The following TMEM120B variants were observed in gnomAD, a reference collection of about 807,000 sequenced individuals.
TMEM120B encodes transmembrane protein 120B.
In TMEM120B, 31 loss-of-function variants were observed where a neutral mutation model predicts 55.5. That is an observed-to-expected ratio of 0.56 (90% CI 0.42 to 0.75). The LOEUF is 0.75. Ranked by LOEUF, TMEM120B falls within the 30% of genes least tolerant of loss-of-function variation. The pLI, the probability that TMEM120B is intolerant of heterozygous loss-of-function variation, is 0.00. For synonymous variants in TMEM120B, 203 were observed against 176.3 expected, an observed-to-expected ratio of 1.15 and a Z score of -1.20; for missense variants, 399 against 425.5, an observed-to-expected ratio of 0.94 and a Z score of 0.55.
Position 121,779,736 on chromosome 12 carries a change from A to C in TMEM120B, c.*4014A>C, listed in dbSNP as rs1299057485. On this transcript the variant is annotated 3_prime_UTR_variant, in exon 12 of 12. Coordinates refer to ENST00000449592, the MANE Select transcript of TMEM120B (RefSeq NM_001080825.2). ...CCTAGCACCACCTGGTGGGTTTGGG[A>C]CTGGCTCTGAGGACTCTGCAGGGAT... 12 of 1,534,272 alleles carry C rather than the reference A, an allele frequency of 7.8e-6. No individual in the cohort carries two copies. Among genetic ancestry groups the C allele is most frequent in the Non-Finnish European group, 1.1e-5 (12 of 1,120,572 alleles).
At chr12:121,721,292 C>T (rs190079386) in intron 1 of TMEM120B, among the ~76,000 whole-genome samples, 1 of 152,176 alleles carries the variant, frequency 6.6e-6, no homozygotes, top group East Asian at 1.9e-4. Flanking sequence ...GATTCTCCCT[C>T]TTCAGCCTCC....
intron 6 of TMEM120B, among the ~76,000 whole-genome samples, chr12:121,767,575 C>T (rs1873890660): frequency 1.3e-5 from 2 of 152,220 alleles, no homozygotes; most frequent in South Asian, 4.1e-4. Flanking sequence ...GTGACAGTTG[C>T]ACAACTCTGT....
At chr12:121,726,514 G>A (rs1363132470) in intron 1 of TMEM120B, among the ~76,000 whole-genome samples, 1 of 150,986 alleles carries the variant, frequency 6.6e-6, no homozygotes, top group East Asian at 1.9e-4. Context: ...GGGAGGCGGA[G>A]CTTGCAGTGA....
intron 1 of TMEM120B, among the ~76,000 whole-genome samples, chr12:121,721,089 G>T (rs1424939658): frequency 2.0e-5 from 3 of 152,210 alleles, no homozygotes; most frequent in Admixed American, 6.6e-5. Flanking sequence ...TTGCTTGTTT[G>T]TGTCTTCTAC....
chr12:121,752,245 G>A, intron 5 of TMEM120B, 22 bp downstream of exon 5: 6 of 1,602,678 alleles, frequency 3.7e-6, no homozygotes, highest in Non-Finnish European at 5.1e-6. Context: ...GGCCGTGTGT[G>A]CCTGGGCCTG....
intron 5 of TMEM120B, among the ~76,000 whole-genome samples, chr12:121,761,017 C>T (rs964104902): frequency 9.9e-5 from 15 of 152,096 alleles, no homozygotes; most frequent in African/African-American, 1.4e-4. Context: ...CTCGCTCTGT[C>T]GCTCAGGCTG....
intron 3 of TMEM120B, 84 bp downstream of exon 3, chr12:121,748,526 G>C (rs1170022685): frequency 4.5e-6 from 4 of 889,920 alleles, no homozygotes; most frequent in African/African-American, 1.7e-5. Flanking sequence ...TCGCCTTCCT[G>C]CTGGTGCTCA....
Position 121,769,077 on chromosome 12 carries a change from C to T in TMEM120B, c.552-1830C>T, listed in dbSNP as rs537673521. On this transcript the variant is annotated intron_variant, in intron 6 of 11. Coordinates refer to ENST00000449592, the MANE Select transcript of TMEM120B (RefSeq NM_001080825.2). ...AGGAGAATTGCCTGAACCCAGGAGG[C>T]GGAGGTTGTAGTGAGCCAAGAATGT... 2.1e-4 allele frequency among the ~76,000 whole-genome samples: 31 copies of T among 144,372 alleles called. No homozygotes were observed. In the South Asian group the frequency reaches 2.7e-3, roughly 12 times the overall value. The allele number at this position is 144,372 out of a possible 152,430, so 94.7% of individuals were successfully genotyped here. A position where few individuals can be genotyped will look rare whatever the true frequency, so the allele number is the denominator to read the frequency against.
At chr12:121,773,951 C>CTTT (rs560321014) in intron 9 of TMEM120B, among the ~76,000 whole-genome samples, 145 of 96,588 alleles carry the variant, frequency 1.5e-3, no homozygotes, top group Non-Finnish European at 2.0e-3. Flanking sequence ...ACTCTGCTAT[C>CTTT]TTTTTTTTTT....
Position 121,761,649 on chromosome 12 carries a change from G to T in TMEM120B, c.462G>T (p.Arg154Ser). 1 of 1,613,562 alleles carries T rather than the reference G, an allele frequency of 6.2e-7. No individual in the cohort carries two copies. Among genetic ancestry groups the T allele is most frequent in the East Asian group, 2.2e-5 (1 of 44,860 alleles). ...AVACRFVLHYRVTDEVFNFLL... is the reference protein window; with the variant it reads ...AVACRFVLHYSVTDEVFNFLL... ...TCCCGGGGGCTGTTTCCTTGCACAG[G>T]GTGACTGACGAAGTCTTCAACTTCC... The change falls in exon 6 of 12, where the codon AGG becomes AGT. Residue 154 changes from arginine to serine, a missense_variant and splice_region_variant. Arg to Ser is a moderately radical substitution (Grantham distance 110). Transcript: ENST00000449592.
chr12:121,750,294 G>A lies in TMEM120B; in HGVS notation c.306-86G>A, dbSNP rs1016285461. 98 of 1,262,814 alleles carry A rather than the reference G, an allele frequency of 7.8e-5. No individual in the cohort carries two copies. In the African/African-American group the frequency reaches 1.1e-3, roughly 14 times the overall value. 78.2% of individuals were successfully genotyped at this position (1,262,814 alleles called of 1,614,324 possible). ...ATCTTCTAACATCAGTGCTTGGGATGTGCTCATTAAGTGTGTTGAGTTTGA... is the reference window on the plus strand; with the variant it reads ...ATCTTCTAACATCAGTGCTTGGGATATGCTCATTAAGTGTGTTGAGTTTGA... On this transcript the variant is annotated intron_variant, in intron 3 of 11. Coordinates refer to ENST00000449592, the MANE Select transcript of TMEM120B (RefSeq NM_001080825.2).
intron 1 of TMEM120B, among the ~76,000 whole-genome samples, chr12:121,738,950 G>A (rs1398683348): frequency 6.6e-6 from 1 of 151,746 alleles, no homozygotes; most frequent in Non-Finnish European, 1.5e-5. Flanking sequence ...ACTTTGGGAG[G>A]CCGAGGTGGG....
chr12:121,734,001 A>G (rs1434257068), intron 1 of TMEM120B, among the ~76,000 whole-genome samples: 1 of 152,218 alleles, frequency 6.6e-6, no homozygotes, highest in African/African-American at 2.4e-5. Context: ...ATCTGAAAGT[A>G]AAATGCCTGG....
In TMEM120B at chr12:121,761,745, G is replaced by A. The variant is rs1475025065; in HGVS notation, c.551+7G>A. On this transcript the variant is annotated splice_region_variant and intron_variant, in intron 6 of 11. Transcript: ENST00000449592. ...TCATCAGCAACGGCTCAAGGTACCT[G>A]GGCACCTGGCTTTGTGGGGAGCACA... 1 of 1,612,008 alleles carries A rather than the reference G, an allele frequency of 6.2e-7. No individual in the cohort carries two copies. The highest frequency in any genetic ancestry group is 1.3e-5 in the African/African-American group (1 of 74,848).
intron 1 of TMEM120B, among the ~76,000 whole-genome samples, chr12:121,730,977 A>G (rs1012555351): frequency 7.2e-5 from 11 of 151,866 alleles, no homozygotes; most frequent in African/African-American, 2.7e-4. Flanking sequence ...AAAAGAAAAG[A>G]CACATACTGT....
chr12:121,743,688 T>G lies in TMEM120B; in HGVS notation c.129T>G (p.Cys43Trp). ...AGCTGGCTGCGCTGCAGACGCTGTGTAGCAGTTCCATCAGTAAGCAGAAGA... is the reference window on the plus strand; with the variant it reads ...AGCTGGCTGCGCTGCAGACGCTGTGGAGCAGTTCCATCAGTAAGCAGAAGA... ...LEELAALQTL[C>W]SSSISKQKKH... Residue 43 changes from cysteine (C) to tryptophan (W), a missense_variant, in exon 2 of 12, where the codon TGT becomes TGG. Physicochemically the swap from Cys to Trp is radical, Grantham distance 215 (BLOSUM62 -2). Coordinates refer to ENST00000449592, the MANE Select transcript of TMEM120B (RefSeq NM_001080825.2). 6.2e-7 allele frequency: 1 copy of G among 1,613,650 alleles called. No individual in the cohort carries two copies. The highest frequency in any genetic ancestry group is 8.5e-7 in the Non-Finnish European group (1 of 1,179,942).
Position 121,773,509 on chromosome 12 carries a change from A to G in TMEM120B, c.768A>G (p.Thr256=). The change falls in exon 9 of 12, where the codon ACA becomes ACG. Residue 256 remains threonine, a synonymous_variant. Transcript: ENST00000449592. ...GGGAGAGGAACCACCTGGATCTCACAGTGGGTGAGTAGCTGGGCCTGGGTT... is the reference window on the plus strand; with the variant it reads ...GGGAGAGGAACCACCTGGATCTCACGGTGGGTGAGTAGCTGGGCCTGGGTT... The part of the protein sequence containing the change: ...ALGERNHLDL[T]VEGFQSWMWR... 2 of 1,590,106 alleles carry G rather than the reference A, an allele frequency of 1.3e-6. No homozygotes were observed. Among genetic ancestry groups the G allele is most frequent in the African/African-American group, 1.4e-5 (1 of 73,710 alleles).
chr12:121,740,072 C>T (rs183004592), intron 1 of TMEM120B, among the ~76,000 whole-genome samples: 1 of 152,248 alleles, frequency 6.6e-6, no homozygotes, highest in African/African-American at 2.4e-5. Context: ...AGCCAACGCG[C>T]CCGGCGACTC....
At chr12:121,753,141 C>T (rs555171240) in intron 5 of TMEM120B, among the ~76,000 whole-genome samples, 10 of 152,140 alleles carry the variant, frequency 6.6e-5, no homozygotes, top group African/African-American at 1.9e-4. Context: ...GTACTGTCAC[C>T]AGTACGGAGC....
Sources: gnomAD v4.1 joint callset for allele counts (sites outside exome capture counted in the v4.1 genomes callset) on GRCh38, gnomAD v4.1.1 for gene constraint, MANE v1.5 for transcripts, NCBI Gene and HGNC (gene_info 2026-07-23, HGNC 2026-07-21) for gene names.